Variants in CA5A observed in about 807,000 individuals in gnomAD.
The protein encoded by CA5A is carbonic anhydrase 5A, also known as carbonic anhydrase 5A, mitochondrial.
A neutral mutation model predicts 37.1 loss-of-function variants in CA5A; 28 were observed. The observed-to-expected ratio is 0.75, with a 90% CI of 0.56 to 1.03. The LOEUF is 1.03. Among genes scored for constraint, CA5A ranks in the 50% least tolerant of loss-of-function variants. The pLI is 0.00. For synonymous variants in CA5A, 171 were observed against 158.4 expected, an observed-to-expected ratio of 1.08 and a Z score of -0.60; for missense variants, 444 against 399.9, an observed-to-expected ratio of 1.11 and a Z score of -0.94.
At chr16:87,887,354 C>T (rs1407359564), downstream of CA5A, 1 of 152,204 alleles carries the variant, frequency 6.6e-6, no homozygotes, top group Non-Finnish European at 1.5e-5. Flanking sequence ...AGTGATCTGC[C>T]TGCCTTGGCC....
At chr16:87,900,115 G>C (rs2055857565) in intron 5 of CA5A, among the ~76,000 whole-genome samples, 2 of 152,038 alleles carry the variant, frequency 1.3e-5, no homozygotes, top group African/African-American at 2.4e-5. Flanking sequence ...AAATGCTCCA[G>C]AACCTTCCCC....
rs140997253 is a variant in CA5A at position 87,918,477 on chromosome 16, C to T, written c.340+8271G>A. 3.0e-3 allele frequency among the ~76,000 whole-genome samples: 459 copies of T among 150,800 alleles called. 4 individuals are homozygous for T. Among genetic ancestry groups the T allele is most frequent in the African/African-American group, 0.011 (433 of 40,968 alleles). On this transcript the variant is annotated intron_variant, in intron 2 of 6. Coordinates refer to ENST00000649794, the MANE Select transcript of CA5A (RefSeq NM_001739.2). ...AGAGCCCTTGCCGCCACCTCTGTTACTCATCGTCCTTGGCCCATGCTTGCT... is the reference window on the plus strand; with the variant it reads ...AGAGCCCTTGCCGCCACCTCTGTTATTCATCGTCCTTGGCCCATGCTTGCT...
chr16:87,892,896 T>G (rs1471000046), intron 5 of CA5A: 2 of 471,590 alleles, frequency 4.2e-6, no homozygotes, highest in Non-Finnish European at 7.5e-6. Context: ...CCTCGGATGA[T>G]CCACCCGCCT....
intron 2 of CA5A, among the ~76,000 whole-genome samples, chr16:87,914,983 G>T (rs564738666): frequency 6.6e-6 from 1 of 152,238 alleles, no homozygotes; most frequent in Non-Finnish European, 1.5e-5. Flanking sequence ...CCGAGTTGAC[G>T]GGTGAGGGGT....
At chr16:87,895,438 G>A (rs1346961431) in intron 5 of CA5A, among the ~76,000 whole-genome samples, 1 of 152,164 alleles carries the variant, frequency 6.6e-6, no homozygotes, top group Non-Finnish European at 1.5e-5. Flanking sequence ...CCAGCTACTC[G>A]GGAGGCTGAG....
chr16:87,931,004 G>T (rs1444086744), intron 1 of CA5A, among the ~76,000 whole-genome samples: 2 of 151,928 alleles, frequency 1.3e-5, no homozygotes, highest in African/African-American at 4.8e-5. Context: ...CTCCCAAAGT[G>T]CTGGGATTAT....
chr16:87,932,496 C>T (rs2056421290), intron 1 of CA5A, among the ~76,000 whole-genome samples: 1 of 152,210 alleles, frequency 6.6e-6, no homozygotes, highest in Non-Finnish European at 1.5e-5. Flanking sequence ...GCGACGCCAC[C>T]TGGATGCTGA....
intron 5 of CA5A, among the ~76,000 whole-genome samples, chr16:87,901,592 CTTT>C (rs369833235): frequency 1.4e-5 from 2 of 145,696 alleles, no homozygotes; most frequent in African/African-American, 2.5e-5. Context: ...CTTTTCTTTT[CTTT>C]TTTTTTTTTT....
intron 5 of CA5A, among the ~76,000 whole-genome samples, chr16:87,898,729 ATTTTTTTTTT>A (rs59375883): frequency 5.2e-5 from 6 of 115,056 alleles, no homozygotes; most frequent in African/African-American, 2.1e-4. Flanking sequence ...TCTAGTGTGG[ATTTTTTTTTT>A]TTTTTTTTTT....
chr16:87,891,433 A>C (rs952664359), intron 6 of CA5A, among the ~76,000 whole-genome samples: 4 of 151,396 alleles, frequency 2.6e-5, no homozygotes, highest in Non-Finnish European at 4.4e-5. Context: ...GCACCACTGC[A>C]CTCCAGCCTG....
At chr16:87,931,331 C>T (rs991504887) in intron 1 of CA5A, among the ~76,000 whole-genome samples, 3 of 151,830 alleles carry the variant, frequency 2.0e-5, no homozygotes, top group South Asian at 2.1e-4. Flanking sequence ...AGGCTGTTCT[C>T]GAACTCCTGA....
At chr16:87,929,853 T>C (rs772360340) in intron 1 of CA5A, among the ~76,000 whole-genome samples, 76 of 103,894 alleles carry the variant, frequency 7.3e-4, no homozygotes, top group Non-Finnish European at 8.1e-4. Context: ...GCCTGGGCAA[T>C]ACAGCGAGAC....
At chr16:87,923,700 C>G in intron 2 of CA5A, 3 of 985,306 alleles carry the variant, frequency 3.0e-6, no homozygotes, top group Non-Finnish European at 3.6e-6. Context: ...AAATAACAAA[C>G]AAAAGTCCAA....
intron 2 of CA5A, among the ~76,000 whole-genome samples, chr16:87,915,908 C>A (rs539887983): frequency 6.6e-6 from 1 of 151,722 alleles, no homozygotes; most frequent in Admixed American, 6.6e-5. Context: ...AAGCCATACC[C>A]GAGACTGGGT....
At chr16:87,930,460 C>G (rs545402769) in intron 1 of CA5A, among the ~76,000 whole-genome samples, 9 of 152,154 alleles carry the variant, frequency 5.9e-5, no homozygotes, top group African/African-American at 1.2e-4. Flanking sequence ...AGGACCTCCC[C>G]CCTCCGGACC....
intron 3 of CA5A, among the ~76,000 whole-genome samples, chr16:87,903,038 G>A (rs181204348): frequency 1.4e-5 from 2 of 138,400 alleles, no homozygotes; most frequent in Non-Finnish European, 3.3e-5. Context: ...CTTCCTGGTG[G>A]GGGGGGAAAG....
chr16:87,893,570 AG>A, intron 5 of CA5A: 1 of 656,916 alleles, frequency 1.5e-6, no homozygotes, highest in South Asian at 1.4e-5. Context: ...AAAGGTCTGG[AG>A]GGTGGGCGAC....
At chr16:87,888,659 G>C (rs557909722) in intron 6 of CA5A, among the ~76,000 whole-genome samples, 31 of 152,176 alleles carry the variant, frequency 2.0e-4, no homozygotes, top group Non-Finnish European at 2.5e-4. Context: ...TACAGTCCCA[G>C]CTGACACTGG....
Position 87,904,922 on chromosome 16 carries a change from G to A in CA5A, c.341-18C>T. The A allele has an allele frequency of 6.7e-7, 1 of 1,492,220 alleles. No individual in the cohort carries two copies. The highest frequency in any genetic ancestry group is 2.3e-5 in the East Asian group (1 of 44,366). 92.4% of individuals were successfully genotyped at this position (1,492,220 alleles called of 1,614,324 possible). On this transcript the variant is annotated intron_variant, in intron 2 of 6. Transcript: ENST00000649794. ...ACTAATTCCTGGAAATAAAGGCAGT[G>A]AGACGTGTGTGTCATTTTGTCTGTT...
Sources: gnomAD v4.1 joint callset for allele counts (sites outside exome capture counted in the v4.1 genomes callset) on GRCh38, gnomAD v4.1.1 for gene constraint, MANE v1.5 for transcripts, NCBI Gene and HGNC (gene_info 2026-07-23, HGNC 2026-07-21) for gene names.